The following LYZL4 variants were observed in gnomAD, a reference collection of about 807,000 sequenced individuals.
LYZL4 encodes lysozyme like 4.
A neutral mutation model predicts 17.6 loss-of-function variants in LYZL4; 13 were observed. That is an observed-to-expected ratio of 0.74 (90% confidence interval 0.48 to 1.18). The LOEUF (loss-of-function observed/expected upper bound fraction) is 1.18, where lower values mean the gene tolerates loss of function less well. LYZL4 is among the 50% of genes most tolerant of loss of function. LYZL4 has a pLI of 0.00. For synonymous variants in LYZL4, 64 were observed against 67.7 expected, an observed-to-expected ratio of 0.95 and a Z score of 0.27; for missense variants, 174 against 188.2, an observed-to-expected ratio of 0.92 and a Z score of 0.44.
At chr3:42,394,404 A>G (rs1352984021), downstream of LYZL4, among the ~76,000 whole-genome samples, 2 of 152,210 alleles carry the variant, frequency 1.3e-5, no homozygotes. Flanking sequence ...CAACTTCATC[A>G]CTTACCAAAC....
the LYZL4 span, among the ~76,000 whole-genome samples, chr3:42,389,549 A>C: frequency 6.6e-6 from 1 of 152,194 alleles, no homozygotes; most frequent in Non-Finnish European, 1.5e-5. Flanking sequence ...ACAGCATAGC[A>C]CCGTAGGGTC....
chr3:42,385,079 C>A, the LYZL4 span, among the ~76,000 whole-genome samples: 1 of 151,786 alleles, frequency 6.6e-6, no homozygotes, highest in Non-Finnish European at 1.5e-5. Flanking sequence ...TTTAAAGAAA[C>A]AAACTACATT....
the LYZL4 span, among the ~76,000 whole-genome samples, chr3:42,377,939 G>T: frequency 6.6e-6 from 1 of 152,110 alleles, no homozygotes; most frequent in South Asian, 2.1e-4. Context: ...GACTCAGCTC[G>T]CCAAGGTCTA....
the LYZL4 span, among the ~76,000 whole-genome samples, chr3:42,365,763 TG>T: frequency 6.6e-6 from 1 of 152,210 alleles, no homozygotes; most frequent in Non-Finnish European, 1.5e-5. Context: ...ACAAAGGGTA[TG>T]CTCTAGACAA....
At chr3:42,401,292 C>A (rs938076509) in intron 4 of LYZL4, among the ~76,000 whole-genome samples, 2 of 152,188 alleles carry the variant, frequency 1.3e-5, no homozygotes, top group East Asian at 1.9e-4. Flanking sequence ...CTCACTGGAA[C>A]CTCCACCTCC....
chr3:42,376,670 T>C, the LYZL4 span, among the ~76,000 whole-genome samples: 2 of 152,204 alleles, frequency 1.3e-5, no homozygotes, highest in Non-Finnish European at 2.9e-5. Flanking sequence ...CGGATCTCTC[T>C]ATATGAGCAG....
the LYZL4 span, among the ~76,000 whole-genome samples, chr3:42,361,302 C>T: frequency 1.3e-5 from 2 of 152,164 alleles, no homozygotes; most frequent in Non-Finnish European, 2.9e-5. Flanking sequence ...ACATGTAGGT[C>T]TTCCTCATTC....
downstream of LYZL4, among the ~76,000 whole-genome samples, chr3:42,393,570 C>T (rs922982051): frequency 2.4e-4 from 36 of 152,310 alleles, no homozygotes; most frequent in Admixed American, 7.8e-4. Context: ...AATTAACTGG[C>T]TCAATGATAA....
At chr3:42,365,596 T>G in the LYZL4 span, among the ~76,000 whole-genome samples, 1 of 152,216 alleles carries the variant, frequency 6.6e-6, no homozygotes, top group Non-Finnish European at 1.5e-5. Flanking sequence ...TTGTACCCTG[T>G]TTGCTAACAT....
intron 1 of LYZL4, among the ~76,000 whole-genome samples, chr3:42,408,474 C>G (rs1366153395): frequency 6.6e-6 from 1 of 152,192 alleles, no homozygotes; most frequent in South Asian, 2.1e-4. Context: ...GGCCTCACCC[C>G]GGGTGCCAAC....
At chr3:42,396,306 G>A (rs1698549067), downstream of LYZL4, among the ~76,000 whole-genome samples, 1 of 152,130 alleles carries the variant, frequency 6.6e-6, no homozygotes, top group East Asian at 1.9e-4. Context: ...GGGTCCCATA[G>A]GTGACCTGAC....
chr3:42,393,117 G>A (rs1389023700), downstream of LYZL4, among the ~76,000 whole-genome samples: 2 of 152,168 alleles, frequency 1.3e-5, no homozygotes, highest in African/African-American at 4.8e-5. Flanking sequence ...GAGCACTTCA[G>A]GGAGGAAGGA....
chr3:42,398,553 C>T (rs1460125197), intron 4 of LYZL4, among the ~76,000 whole-genome samples: 1 of 152,074 alleles, frequency 6.6e-6, no homozygotes, highest in African/African-American at 2.4e-5. Context: ...AAATGGGTTA[C>T]TGAATAAATA....
At chr3:42,364,643 C>A in the LYZL4 span, among the ~76,000 whole-genome samples, 1 of 152,030 alleles carries the variant, frequency 6.6e-6, no homozygotes, top group Non-Finnish European at 1.5e-5. Flanking sequence ...CTGTGCTTGC[C>A]TCTTTTTCTT....
At chr3:42,385,594 T>A in the LYZL4 span, among the ~76,000 whole-genome samples, 1,474 of 152,244 alleles carry the variant, frequency 9.7e-3, 52 homozygotes, top group East Asian at 0.05. Context: ...AATCCCCTAC[T>A]GAGGAAGAGA....
chr3:42,381,481 T>C, the LYZL4 span, among the ~76,000 whole-genome samples: 1 of 152,106 alleles, frequency 6.6e-6, no homozygotes, highest in South Asian at 2.1e-4. Context: ...GTGATCAAAG[T>C]CAACTGGCTT....
chr3:42,404,743 T>C (rs1698719476), intron 3 of LYZL4, among the ~76,000 whole-genome samples: 1 of 152,238 alleles, frequency 6.6e-6, no homozygotes, highest in African/African-American at 2.4e-5. Flanking sequence ...TCTATATTTC[T>C]GCCTATGAAA....
At chr3:42,386,007 C>A in the LYZL4 span, among the ~76,000 whole-genome samples, 43 of 152,154 alleles carry the variant, frequency 2.8e-4, no homozygotes, top group African/African-American at 1.0e-3. Flanking sequence ...AGGGGATAAA[C>A]CATTTCTTTG....
At chr3:42,363,170 C>T in the LYZL4 span, among the ~76,000 whole-genome samples, 1 of 152,090 alleles carries the variant, frequency 6.6e-6, no homozygotes, top group African/African-American at 2.4e-5. Flanking sequence ...GTAGATTATT[C>T]TACGATAAAA....
Sources: allele counts gnomAD v4.1 joint callset (sites outside exome capture counted in the v4.1 genomes callset), GRCh38; gene constraint gnomAD v4.1.1; transcripts MANE v1.5; gene names NCBI Gene and HGNC (gene_info 2026-07-23, HGNC 2026-07-21).